Variants in SLC41A2 observed in about 807,000 individuals in gnomAD.
SLC41A2 encodes SLC41A1-like 1.
Under a neutral mutation model 58.3 loss-of-function variants are expected in SLC41A2, and 32 were observed. That is an observed-to-expected ratio of 0.55 (90% CI 0.41 to 0.74). The LOEUF (loss-of-function observed/expected upper bound fraction) is 0.74, where lower values mean the gene tolerates loss of function less well. Ranked by LOEUF, SLC41A2 falls within the 30% of genes least tolerant of loss-of-function variation. SLC41A2 has a pLI of 0.00. For missense variants in SLC41A2, 514 were observed against 680.6 expected (o/e 0.76, Z 2.72); for synonymous variants, 190 against 235.0 (o/e 0.81, Z 1.75).
chr12:104,925,358 A>T (rs1314395177), intron 2 of SLC41A2, among the ~76,000 whole-genome samples: 2 of 152,116 alleles, frequency 1.3e-5, no homozygotes, highest in Non-Finnish European at 2.9e-5. Context: ...GGAAATTGAG[A>T]CCATCCTGGC....
chr12:104,807,887 A>G (rs1241749905), intron 10 of SLC41A2, among the ~76,000 whole-genome samples: 1 of 152,112 alleles, frequency 6.6e-6, no homozygotes, highest in Non-Finnish European at 1.5e-5. Flanking sequence ...GGTGTATAAG[A>G]ATGCTTGTGA....
chr12:104,912,547 C>T (rs1003685673), intron 2 of SLC41A2, among the ~76,000 whole-genome samples: 6 of 152,160 alleles, frequency 3.9e-5, no homozygotes. Flanking sequence ...ACAGGGAGGG[C>T]ATGAAAGCTC....
At chr12:104,918,635 A>AAG (rs2046440974) in intron 2 of SLC41A2, among the ~76,000 whole-genome samples, 2 of 151,336 alleles carry the variant, frequency 1.3e-5, no homozygotes, top group Non-Finnish European at 3.0e-5. Flanking sequence ...CATGAAAAAA[A>AAG]AAAAAAAAAA....
intron 10 of SLC41A2, among the ~76,000 whole-genome samples, chr12:104,811,367 C>T (rs1172302459): frequency 6.6e-6 from 1 of 152,050 alleles, no homozygotes; most frequent in African/African-American, 2.4e-5. Flanking sequence ...TATAAATCAA[C>T]ATGAATATAT....
chr12:104,929,271 G>C (rs1440590648), intron 1 of SLC41A2, among the ~76,000 whole-genome samples: 1 of 152,074 alleles, frequency 6.6e-6, no homozygotes, highest in Admixed American at 6.6e-5. Context: ...AATAAAATGA[G>C]GCTGGAGTCA....
At chr12:104,879,427 G>T (rs1380808625) in intron 6 of SLC41A2, among the ~76,000 whole-genome samples, 1 of 151,888 alleles carries the variant, frequency 6.6e-6, no homozygotes, top group Non-Finnish European at 1.5e-5. Context: ...TTCTTCTAGG[G>T]TTTTTATGGT....
intron 1 of SLC41A2, among the ~76,000 whole-genome samples, chr12:104,944,870 TAAA>T (rs60609201): frequency 2.9e-5 from 4 of 136,098 alleles, no homozygotes; most frequent in Admixed American, 7.5e-5. Flanking sequence ...GTATTCAATG[TAAA>T]AAAAAAAAAA....
intron 2 of SLC41A2, among the ~76,000 whole-genome samples, chr12:104,910,064 T>C (rs993149465): frequency 3.3e-5 from 5 of 152,208 alleles, no homozygotes; most frequent in African/African-American, 9.6e-5. Flanking sequence ...CCCTTTATGA[T>C]GACAATCGTT....
At chr12:104,847,742 G>A (rs2042659005) in intron 8 of SLC41A2, among the ~76,000 whole-genome samples, 2 of 151,874 alleles carry the variant, frequency 1.3e-5, no homozygotes, top group Admixed American at 1.3e-4. Flanking sequence ...CATATAGTAA[G>A]TCCTCACTTA....
At chr12:104,839,144 A>G (rs1455509296) in intron 10 of SLC41A2, among the ~76,000 whole-genome samples, 2 of 152,226 alleles carry the variant, frequency 1.3e-5, no homozygotes, top group Non-Finnish European at 2.9e-5. Flanking sequence ...CCTAAAATAG[A>G]AAATTCAACA....
chr12:104,812,256 C>A (rs561713825), intron 10 of SLC41A2, among the ~76,000 whole-genome samples: 3 of 152,176 alleles, frequency 2.0e-5, no homozygotes, highest in African/African-American at 7.2e-5. Flanking sequence ...CTTAACCTCT[C>A]CATGTCTCAG....
chr12:104,933,705 CCATA>C (rs760196722), intron 1 of SLC41A2, among the ~76,000 whole-genome samples: 9 of 151,206 alleles, frequency 6.0e-5, no homozygotes, highest in Non-Finnish European at 1.2e-4. Context: ...ACACACACAC[CCATA>C]TATATACACC....
chr12:104,863,845 C>T (rs2043303668), intron 7 of SLC41A2, among the ~76,000 whole-genome samples: 1 of 152,098 alleles, frequency 6.6e-6, no homozygotes, highest in Non-Finnish European at 1.5e-5. Context: ...ACGCTTTTTG[C>T]TTTGCCTCAT....
chr12:104,942,807 C>T lies in SLC41A2; in HGVS notation c.-167-14113G>A, dbSNP rs377015405. Among the ~76,000 whole-genome samples, 9 of 152,202 alleles carry T rather than the reference C, an allele frequency of 5.9e-5. No individual in the cohort carries two copies. In the East Asian group the frequency reaches 1.3e-3, roughly 23 times the overall value. On this transcript the variant is annotated intron_variant, in intron 1 of 10. Coordinates refer to ENST00000258538, the MANE Select transcript of SLC41A2 (RefSeq NM_001352171.3). ...TTGTATTATTTATGTTTTATTCTTA[C>T]GTACTCTATCTTGTTACACAGAGTC...
chr12:104,914,574 A>G (rs1178498989), intron 2 of SLC41A2, among the ~76,000 whole-genome samples: 1 of 152,214 alleles, frequency 6.6e-6, no homozygotes, highest in East Asian at 1.9e-4. Flanking sequence ...AGGAGACATC[A>G]TTGTGTTTCC....
intron 1 of SLC41A2, among the ~76,000 whole-genome samples, chr12:104,941,454 C>T (rs540683086): frequency 2.6e-5 from 4 of 152,238 alleles, no homozygotes; most frequent in South Asian, 4.1e-4. Context: ...AGACCCAGAG[C>T]CACGGATTTT....
chr12:104,957,907 C>G (rs370658310), intron 1 of SLC41A2, among the ~76,000 whole-genome samples, 181 bp downstream of exon 1: 1 of 152,120 alleles, frequency 6.6e-6, no homozygotes, highest in East Asian at 1.9e-4. Flanking sequence ...CGGGCGCTGC[C>G]CGGCGGCCCG....
chr12:104,949,207 A>G (rs1334296832), intron 1 of SLC41A2, among the ~76,000 whole-genome samples: 3 of 152,208 alleles, frequency 2.0e-5, no homozygotes, highest in Non-Finnish European at 4.4e-5. Flanking sequence ...AACAAAAGCG[A>G]AACTCCGTCT....
intron 6 of SLC41A2, among the ~76,000 whole-genome samples, chr12:104,881,148 G>T (rs923207740): frequency 6.6e-6 from 1 of 152,158 alleles, no homozygotes; most frequent in Non-Finnish European, 1.5e-5. Flanking sequence ...ATTTCTGTGG[G>T]ATTGGTGGTG....
Sources: allele counts gnomAD v4.1 joint callset (sites outside exome capture counted in the v4.1 genomes callset), GRCh38; gene constraint gnomAD v4.1.1; transcripts MANE v1.5; gene names NCBI Gene and HGNC (gene_info 2026-07-23, HGNC 2026-07-21).